HS6ST3: variants seen among roughly 807,000 people sequenced by gnomAD.
HS6ST3 encodes heparan sulfate 6-O-sulfotransferase 3, also known as heparan-sulfate 6-O-sulfotransferase 3.
Under a neutral mutation model 36.7 loss-of-function variants are expected in HS6ST3, and 12 were observed. The observed-to-expected ratio is 0.33, with a 90% CI of 0.21 to 0.53. The LOEUF (loss-of-function observed/expected upper bound fraction) is 0.53, where lower values mean the gene tolerates loss of function less well. Ranked by LOEUF, HS6ST3 falls within the 20% of genes least tolerant of loss-of-function variation. The pLI, the probability that HS6ST3 is intolerant of heterozygous loss-of-function variation, is 0.95. For synonymous variants in HS6ST3, 240 were observed against 257.5 expected, an observed-to-expected ratio of 0.93 and a Z score of 0.65; for missense variants, 584 against 640.9, an observed-to-expected ratio of 0.91 and a Z score of 0.96.
intron 1 of HS6ST3, among the ~76,000 whole-genome samples, chr13:96,388,566 A>G (rs980746215): frequency 2.9e-4 from 44 of 152,236 alleles, no homozygotes; most frequent in African/African-American, 9.4e-4. Context: ...TTCTGACAAT[A>G]AGAAAGGAAA....
intron 1 of HS6ST3, among the ~76,000 whole-genome samples, chr13:96,554,446 G>A (rs1434996777): frequency 6.6e-6 from 1 of 152,106 alleles, no homozygotes; most frequent in Non-Finnish European, 1.5e-5. Context: ...AATGTAAACA[G>A]CTTAAAATAA....
intron 1 of HS6ST3, among the ~76,000 whole-genome samples, chr13:96,222,861 C>CT (rs1380342862): frequency 6.6e-6 from 1 of 152,136 alleles, no homozygotes; most frequent in Admixed American, 6.5e-5. Flanking sequence ...AGTTAGGACT[C>CT]TTTTGTAAGG....
At chr13:96,476,705 G>A (rs993016338) in intron 1 of HS6ST3, among the ~76,000 whole-genome samples, 3 of 152,084 alleles carry the variant, frequency 2.0e-5, no homozygotes, top group African/African-American at 7.2e-5. Context: ...TGTGAACGTC[G>A]CTTGTGTTGC....
intron 1 of HS6ST3, among the ~76,000 whole-genome samples, chr13:96,315,357 CAA>C (rs2054963166): frequency 6.6e-6 from 1 of 151,964 alleles, no homozygotes; most frequent in African/African-American, 2.4e-5. Context: ...GCAGAATAAA[CAA>C]AAATAAATGT....
intron 1 of HS6ST3, among the ~76,000 whole-genome samples, chr13:96,319,233 G>A (rs913955302): frequency 6.6e-6 from 1 of 152,108 alleles, no homozygotes; most frequent in Non-Finnish European, 1.5e-5. Context: ...TCTATAAATT[G>A]CTTTAACTTA....
At chr13:96,097,444 T>A (rs1232331230) in intron 1 of HS6ST3, among the ~76,000 whole-genome samples, 1 of 152,148 alleles carries the variant, frequency 6.6e-6, no homozygotes, top group Non-Finnish European at 1.5e-5. Flanking sequence ...ATGAAATAAA[T>A]TATTGGGCCA....
At chr13:96,336,014 G>C (rs1775730499) in intron 1 of HS6ST3, among the ~76,000 whole-genome samples, 1 of 152,092 alleles carries the variant, frequency 6.6e-6, no homozygotes, top group African/African-American at 2.4e-5. Context: ...TGTCTTAAAT[G>C]TCACAAAATA....
chr13:96,213,848 C>A (rs1310861500), intron 1 of HS6ST3, among the ~76,000 whole-genome samples: 1 of 152,104 alleles, frequency 6.6e-6, no homozygotes, highest in Non-Finnish European at 1.5e-5. Context: ...TATGTGTGTC[C>A]TAGATCTCTA....
At chr13:96,725,348 G>T (rs1215365166) in intron 1 of HS6ST3, among the ~76,000 whole-genome samples, 1 of 152,048 alleles carries the variant, frequency 6.6e-6, no homozygotes, top group Non-Finnish European at 1.5e-5. Context: ...GCAGCGTCTT[G>T]AAGAGAAGAA....
intron 1 of HS6ST3, among the ~76,000 whole-genome samples, chr13:96,784,601 T>C (rs1198444474): frequency 6.6e-6 from 1 of 152,154 alleles, no homozygotes; most frequent in Non-Finnish European, 1.5e-5. Flanking sequence ...AACTAATTAG[T>C]CAGCTGAAAA....
At chr13:96,276,216 C>T (rs569981265) in intron 1 of HS6ST3, among the ~76,000 whole-genome samples, 1 of 152,262 alleles carries the variant, frequency 6.6e-6, no homozygotes, top group African/African-American at 2.4e-5. Context: ...AAGCAGCCCA[C>T]CATTTTTCCA....
At chr13:96,477,448 A>G (rs1010201891) in intron 1 of HS6ST3, among the ~76,000 whole-genome samples, 9 of 152,236 alleles carry the variant, frequency 5.9e-5, no homozygotes, top group Non-Finnish European at 1.3e-4. Flanking sequence ...GTGTTTATGT[A>G]TTTGTAGGCT....
intron 1 of HS6ST3, among the ~76,000 whole-genome samples, chr13:96,304,454 C>T (rs1011253703): frequency 4.6e-5 from 7 of 151,920 alleles, no homozygotes; most frequent in Non-Finnish European, 5.9e-5. Context: ...TACATTAGTG[C>T]CAAGGCCTAA....
intron 1 of HS6ST3, among the ~76,000 whole-genome samples, chr13:96,660,641 A>G (rs915733289): frequency 3.3e-5 from 5 of 152,206 alleles, no homozygotes; most frequent in African/African-American, 1.2e-4. Flanking sequence ...TTATGAAACA[A>G]TAACTATAAT....
chr13:96,620,552 C>G (rs991925030), intron 1 of HS6ST3, among the ~76,000 whole-genome samples: 2 of 152,254 alleles, frequency 1.3e-5, no homozygotes, highest in South Asian at 4.1e-4. Flanking sequence ...TCTGAAGAAG[C>G]CAAGAGGACA....
chr13:96,482,450 A>C (rs543769102), intron 1 of HS6ST3, among the ~76,000 whole-genome samples: 66 of 138,896 alleles, frequency 4.8e-4, no homozygotes, highest in East Asian at 3.2e-3. Context: ...TTCTTGTTTT[A>C]TTTTTCTTTT....
chr13:96,545,225 C>T (rs963094051), intron 1 of HS6ST3, among the ~76,000 whole-genome samples: 3 of 152,076 alleles, frequency 2.0e-5, no homozygotes, highest in South Asian at 4.1e-4. Flanking sequence ...TTATCTGGAT[C>T]GTAAGTTTGA....
chr13:96,444,967 T>C (rs2055691154), intron 1 of HS6ST3, among the ~76,000 whole-genome samples: 1 of 152,160 alleles, frequency 6.6e-6, no homozygotes, highest in African/African-American at 2.4e-5. Flanking sequence ...ACTATGCTCT[T>C]TCTAAATAAA....
At chr13:96,402,481 C>T (rs1042200757) in intron 1 of HS6ST3, among the ~76,000 whole-genome samples, 1 of 152,134 alleles carries the variant, frequency 6.6e-6, no homozygotes, top group Non-Finnish European at 1.5e-5. Context: ...AGCTTTATGA[C>T]TTTTGAAAAC....
Sources: allele counts gnomAD v4.1 joint callset (sites outside exome capture counted in the v4.1 genomes callset), GRCh38; gene constraint gnomAD v4.1.1; transcripts MANE v1.5; gene names NCBI Gene and HGNC (gene_info 2026-07-23, HGNC 2026-07-21).